The following TVP23C variants were observed in gnomAD, a reference collection of about 807,000 sequenced individuals.
TVP23C encodes the protein Golgi apparatus membrane protein TVP23 homolog C.
Under a neutral mutation model 28.7 loss-of-function variants are expected in TVP23C, and 19 were observed. That is an observed-to-expected ratio of 0.66 (90% CI 0.46 to 0.97). TVP23C has a LOEUF of 0.97. TVP23C is among the 50% of genes least tolerant of loss of function. TVP23C has a pLI of 0.00. For missense variants in TVP23C, 186 were observed against 241.3 expected (o/e 0.77, Z 1.52); for synonymous variants, 68 against 81.7 (o/e 0.83, Z 0.90).
At chr17:15,557,190 C>T (rs1984170532) in intron 1 of TVP23C, among the ~76,000 whole-genome samples, 1 of 149,376 alleles carries the variant, frequency 6.7e-6, no homozygotes, top group Non-Finnish European at 1.5e-5. Context: ...AGCACTTGGA[C>T]GAATCTCCAT....
chr17:15,538,802 G>GA lies in TVP23C; in HGVS notation c.*1609dup, dbSNP rs111439303. 2 of 984,926 alleles carry GA rather than the reference G, an allele frequency of 2.0e-6. No homozygotes were observed. Among genetic ancestry groups the GA allele is most frequent in the East Asian group, 1.1e-4 (1 of 8,794 alleles). The allele number at this position is 984,926 out of a possible 1,614,324, so 61.0% of individuals were successfully genotyped here. A position where few individuals can be genotyped will look rare whatever the true frequency, so the allele number is the denominator to read the frequency against. ...CTTCAGAAACACTGAAAATTCTAAC[G>GA]AAAAAAACCTAATAAGCACATACAT... On this transcript the variant is annotated 3_prime_UTR_variant, in exon 6 of 6. Coordinates refer to ENST00000518321, the MANE Select transcript of TVP23C (RefSeq NM_001135036.2).
chr17:15,502,800 CCTCTCTCTCCTCTCTCTCTCTCT>C, exon 6 of TVP23C: 1 of 1,456,502 alleles, frequency 6.9e-7, no homozygotes, highest in Non-Finnish European at 9.1e-7. Flanking sequence ...TCTCCTCTCT[CCTCTCTCTCCTCTCTCTCTCTCT>C]CTCTCTCTCC....
intron 5 of TVP23C, among the ~76,000 whole-genome samples, chr17:15,518,426 C>T (rs1003364000): frequency 6.6e-6 from 1 of 152,274 alleles, no homozygotes; most frequent in Admixed American, 6.5e-5. Context: ...AAAATGTCCC[C>T]CTTGGCACTC....
intron 1 of TVP23C, among the ~76,000 whole-genome samples, chr17:15,560,036 T>C (rs1472101935): frequency 2.0e-5 from 3 of 149,426 alleles, no homozygotes; most frequent in African/African-American, 4.9e-5. Flanking sequence ...ATAAGTAAGA[T>C]GAAAACCAAA....
rs1358266953 is a variant in TVP23C at position 15,545,932 on chromosome 17, A to G, written c.331-16T>C. 3.8e-6 allele frequency: 6 copies of G among 1,595,870 alleles called. No homozygotes were observed. The highest frequency in any genetic ancestry group is 1.7e-4 in the Middle Eastern group (1 of 5,968). ...GAGAGGACTCCTATAAAAGAACATA[A>G]ATTCAATTATCATGTTGTGAAATTT... On this transcript the variant is annotated splice_polypyrimidine_tract_variant and intron_variant, in intron 4 of 5. Transcript: ENST00000518321.
chr17:15,545,572 T>C (rs60195490), intron 5 of TVP23C, among the ~76,000 whole-genome samples: 1 of 151,156 alleles, frequency 6.6e-6, no homozygotes, highest in African/African-American at 2.4e-5. Context: ...ACCACTAATA[T>C]CCTAGAAAAC....
intron 5 of TVP23C, among the ~76,000 whole-genome samples, chr17:15,520,762 C>A (rs556717287): frequency 5.3e-5 from 8 of 152,178 alleles, no homozygotes; most frequent in Non-Finnish European, 8.8e-5. Context: ...CATGTCCTTA[C>A]AAAATTATAC....
chr17:15,563,288 G>A, intron 1 of TVP23C, 149 bp downstream of exon 1: 1 of 1,430,738 alleles, frequency 7.0e-7, no homozygotes, highest in Non-Finnish European at 9.3e-7. Flanking sequence ...GCCCTCCTCA[G>A]ACAACTACCC....
chr17:15,520,985 AG>A (rs1982450470), intron 5 of TVP23C, among the ~76,000 whole-genome samples: 1 of 151,626 alleles, frequency 6.6e-6, no homozygotes, highest in Non-Finnish European at 1.5e-5. Context: ...GAAAATGTAA[AG>A]TACCCAAAAA....
chr17:15,537,770 T>A lies in TVP23C; in HGVS notation c.*2642A>T. ...TTGAGACAGACTAAGAACATCCTCC[T>A]ATGTTCTATGGATCAAAATGCAAAG... On this transcript the variant is annotated 3_prime_UTR_variant, in exon 6 of 6. Coordinates refer to ENST00000518321, the MANE Select transcript of TVP23C (RefSeq NM_001135036.2). 2 of 1,049,978 alleles carry A rather than the reference T, an allele frequency of 1.9e-6. No homozygotes were observed. Among genetic ancestry groups the A allele is most frequent in the Non-Finnish European group, 2.3e-6 (2 of 871,112 alleles). 65.0% of individuals were successfully genotyped at this position (1,049,978 alleles called of 1,614,324 possible). A position where few individuals can be genotyped will look rare whatever the true frequency, so the allele number is the denominator to read the frequency against.
intron 5 of TVP23C, among the ~76,000 whole-genome samples, chr17:15,525,914 A>C (rs537417150): frequency 1.2e-4 from 19 of 152,342 alleles, no homozygotes; most frequent in African/African-American, 4.3e-4. Flanking sequence ...TCATCTGTAA[A>C]ATGGTGGTAG....
At position 15,502,803 on chromosome 17, in the gene TVP23C, CTCTCTCCT is replaced by C. The variant is rs1567627345; in HGVS notation, c.*53_*60del. On this transcript the variant is annotated 3_prime_UTR_variant, in exon 6 of 6. Transcript: ENST00000225576. The stretch of plus-strand genomic sequence containing the variant: ...CTTCCCTCCCTCTCTCCTCTCTCCT[CTCTCTCCT>C]CTCTCTCTCTCTCTCTCTCTCCTGC... 435 of 1,455,670 alleles carry C rather than the reference CTCTCTCCT, an allele frequency of 3.0e-4. No individual in the cohort carries two copies. The Middle Eastern group carries it at 6.2e-3, about 21-fold the overall frequency. 90.2% of individuals were successfully genotyped at this position (1,455,670 alleles called of 1,614,324 possible). A position where few individuals can be genotyped will look rare whatever the true frequency, so the allele number is the denominator to read the frequency against.
At chr17:15,540,940 G>A (rs142501569) in intron 5 of TVP23C, among the ~76,000 whole-genome samples, 1 of 152,224 alleles carries the variant, frequency 6.6e-6, no homozygotes, top group African/African-American at 2.4e-5. Context: ...TATTCCTATA[G>A]GAATTACAAA....
rs1191628596 is a variant in TVP23C at position 15,539,612 on chromosome 17, A to C, written c.*800T>G. ...AGCAAGACTCCATCTCAAGAAAAAAAAAAAAAAAGACCTAGTCACTTTTCC... is the reference window on the plus strand; with the variant it reads ...AGCAAGACTCCATCTCAAGAAAAAACAAAAAAAAGACCTAGTCACTTTTCC... On this transcript the variant is annotated 3_prime_UTR_variant, in exon 6 of 6. Coordinates refer to ENST00000518321, the MANE Select transcript of TVP23C (RefSeq NM_001135036.2). 1.0e-6 allele frequency: 1 copy of C among 983,262 alleles called. No individual in the cohort carries two copies. The highest frequency in any genetic ancestry group is 1.2e-6 in the Non-Finnish European group (1 of 828,270). 60.9% of individuals were successfully genotyped at this position (983,262 alleles called of 1,614,324 possible). A position where few individuals can be genotyped will look rare whatever the true frequency, so the allele number is the denominator to read the frequency against.
chr17:15,554,753 A>C (rs1984054101), intron 2 of TVP23C, among the ~76,000 whole-genome samples: 1 of 152,186 alleles, frequency 6.6e-6, no homozygotes, highest in Non-Finnish European at 1.5e-5. Flanking sequence ...AGCAACAGCT[A>C]ATCTATCTTC....
intron 5 of TVP23C, among the ~76,000 whole-genome samples, chr17:15,542,438 T>C (rs1315074903): frequency 6.6e-6 from 1 of 152,106 alleles, no homozygotes; most frequent in Non-Finnish European, 1.5e-5. Flanking sequence ...CGTCCTGTGG[T>C]CTTAACCCAT....
At chr17:15,556,078 A>G (rs1984118787) in intron 1 of TVP23C, among the ~76,000 whole-genome samples, 1 of 151,326 alleles carries the variant, frequency 6.6e-6, no homozygotes, top group South Asian at 2.1e-4. Flanking sequence ...CACCACACCC[A>G]GCTAATTTTC....
intron 5 of TVP23C, among the ~76,000 whole-genome samples, chr17:15,527,429 T>C (rs1489726523): frequency 3.9e-5 from 6 of 152,178 alleles, no homozygotes; most frequent in African/African-American, 1.4e-4. Context: ...CCATGCCATA[T>C]ACTAGATGAG....
At chr17:15,551,365 C>T (rs1347531908) in intron 3 of TVP23C, among the ~76,000 whole-genome samples, 1 of 151,856 alleles carries the variant, frequency 6.6e-6, no homozygotes. Context: ...CTCAGCCTCC[C>T]AAAGTGCTGG....
Sources: allele counts gnomAD v4.1 joint callset (sites outside exome capture counted in the v4.1 genomes callset), GRCh38; gene constraint gnomAD v4.1.1; transcripts MANE v1.5; gene names NCBI Gene and HGNC (gene_info 2026-07-23, HGNC 2026-07-21).